TPPP: variants seen among roughly 807,000 people sequenced by gnomAD.
The protein encoded by TPPP is tubulin polymerization-promoting protein.
Under a neutral mutation model 15.5 loss-of-function variants are expected in TPPP, and 6 were observed. The observed-to-expected ratio is 0.39, with a 90% CI of 0.21 to 0.77. The LOEUF (loss-of-function observed/expected upper bound fraction) is 0.77. Among genes scored for constraint, TPPP ranks in the 30% least tolerant of loss-of-function variants. TPPP has a pLI of 0.42. For synonymous variants in TPPP, 146 were observed against 133.9 expected, an observed-to-expected ratio of 1.09 and a Z score of -0.63; for missense variants, 269 against 307.2, an observed-to-expected ratio of 0.88 and a Z score of 0.93.
At chr5:677,164 G>A (rs998261131) in intron 2 of TPPP, among the ~76,000 whole-genome samples, 4 of 152,246 alleles carry the variant, frequency 2.6e-5, no homozygotes, top group African/African-American at 7.2e-5. Flanking sequence ...CCATTTTGCC[G>A]CCCGTGGGAA....
At chr5:691,644 C>CA (rs1452109074) in intron 1 of TPPP, among the ~76,000 whole-genome samples, 1 of 26,372 alleles carries the variant, frequency 3.8e-5, no homozygotes, top group East Asian at 5.6e-4. Context: ...CAGCAGCCCC[C>CA]AACCCCCATC....
At chr5:695,734 A>G (rs1740999764), upstream of TPPP, among the ~76,000 whole-genome samples, 1 of 151,424 alleles carries the variant, frequency 6.6e-6, no homozygotes, top group Non-Finnish European at 1.5e-5. Context: ...GACACCTGTC[A>G]CTGGATTTAA....
At chr5:680,876 C>A (rs111653517) in intron 1 of TPPP, among the ~76,000 whole-genome samples, 1 of 152,346 alleles carries the variant, frequency 6.6e-6, no homozygotes, top group South Asian at 2.1e-4. Context: ...TTAGGCACGA[C>A]GTGCCGCTGT....
chr5:669,604 G>A (rs566481096), intron 2 of TPPP, among the ~76,000 whole-genome samples: 65 of 152,276 alleles, frequency 4.3e-4, no homozygotes, highest in Non-Finnish European at 7.6e-4. Flanking sequence ...GCTGAGGCAC[G>A]CAGCCCTTTC....
At chr5:698,443 G>C in the TPPP span, among the ~76,000 whole-genome samples, 2 of 152,026 alleles carry the variant, frequency 1.3e-5, no homozygotes, top group African/African-American at 4.8e-5. Context: ...TGCTGGTAAA[G>C]ACATGCCTGA....
rs1739525356 is a variant in TPPP at position 660,195 on chromosome 5, T to C, written c.*4907A>G. 1 of 136,776 alleles carries C rather than the reference T, an allele frequency of 7.3e-6. No homozygotes were observed. The highest frequency in any genetic ancestry group is 2.9e-5 in the African/African-American group (1 of 34,278). The allele number at this position is 136,776 out of a possible 1,614,324, so 8.5% of individuals were successfully genotyped here. ...TAATGTTAATCACACAGTGTAAAAA[T>C]ATATTGCACATATATATATATATAT... is the stretch of plus-strand genomic sequence containing the variant. On this transcript the variant is annotated 3_prime_UTR_variant, in exon 4 of 4. Coordinates refer to ENST00000360578, the MANE Select transcript of TPPP (RefSeq NM_007030.3).
the TPPP span, among the ~76,000 whole-genome samples, chr5:699,767 C>T: frequency 6.6e-6 from 1 of 150,924 alleles, no homozygotes; most frequent in East Asian, 1.9e-4. Flanking sequence ...CAAATAAGCC[C>T]ATTAAAAAGT....
intron 1 of TPPP, among the ~76,000 whole-genome samples, chr5:684,269 G>GC (rs554657644): frequency 6.6e-6 from 1 of 152,228 alleles, no homozygotes; most frequent in Non-Finnish European, 1.5e-5. Flanking sequence ...GGGGGAAGCA[G>GC]CCCCCCAGTA....
intron 1 of TPPP, among the ~76,000 whole-genome samples, chr5:687,092 G>A (rs1579199258): frequency 7.8e-6 from 1 of 127,466 alleles, no homozygotes; most frequent in Non-Finnish European, 1.8e-5. Flanking sequence ...GGCCGGGGCT[G>A]CAGTGACGCA....
At chr5:668,512 G>A (rs1321874115) in intron 2 of TPPP, among the ~76,000 whole-genome samples, 4 of 152,072 alleles carry the variant, frequency 2.6e-5, no homozygotes, top group South Asian at 2.1e-4. Context: ...AAACCACAGC[G>A]AGGCCCCTGC....
intron 2 of TPPP, among the ~76,000 whole-genome samples, chr5:677,430 G>A (rs1016943051): frequency 2.0e-5 from 3 of 152,164 alleles, no homozygotes; most frequent in Non-Finnish European, 1.5e-5. Context: ...CATTCACCCC[G>A]AGTCTGCTCT....
chr5:682,878 A>G (rs1455593145), intron 1 of TPPP, among the ~76,000 whole-genome samples: 1 of 152,192 alleles, frequency 6.6e-6, no homozygotes, highest in African/African-American at 2.4e-5. Context: ...GTGCTGGGTC[A>G]AAGCTGGAGG....
At chr5:697,630 CA>C (rs1561098624), upstream of TPPP, among the ~76,000 whole-genome samples, 1 of 152,060 alleles carries the variant, frequency 6.6e-6, no homozygotes, top group Non-Finnish European at 1.5e-5. Context: ...AAGCAGACCA[CA>C]AGGAGCCTGG....
intron 1 of TPPP, among the ~76,000 whole-genome samples, chr5:682,290 G>A (rs1013055012): frequency 6.9e-6 from 1 of 144,284 alleles, no homozygotes; most frequent in Non-Finnish European, 1.5e-5. Context: ...GGGCCAGGGG[G>A]TTCTCACTAG....
At chr5:681,627 A>G (rs991921543) in intron 1 of TPPP, among the ~76,000 whole-genome samples, 1 of 152,152 alleles carries the variant, frequency 6.6e-6, no homozygotes, top group Non-Finnish European at 1.5e-5. Flanking sequence ...TGGGACCACA[A>G]GTGGGGCCTG....
chr5:675,633 G>A (rs1740406509), intron 2 of TPPP, among the ~76,000 whole-genome samples: 1 of 151,872 alleles, frequency 6.6e-6, no homozygotes, highest in African/African-American at 2.4e-5. Flanking sequence ...AGTGCCAGAG[G>A]TGCAGGCTGT....
intron 1 of TPPP, among the ~76,000 whole-genome samples, chr5:683,653 A>G (rs1740687386): frequency 6.6e-6 from 1 of 152,152 alleles, no homozygotes; most frequent in Non-Finnish European, 1.5e-5. Context: ...CCTTCCTTCC[A>G]TGCCCTCAGG....
rs3845279 is a variant in TPPP at position 679,649 on chromosome 5, T to C, written c.-4-1585A>G. ...GTTTTGTGAGCACCCAGAACAGTGGTGGGTGTGCGGGTCAGAGAGAAAGAA... is the reference window on the plus strand; with the variant it reads ...GTTTTGTGAGCACCCAGAACAGTGGCGGGTGTGCGGGTCAGAGAGAAAGAA... On this transcript the variant is annotated intron_variant, in intron 1 of 3. Coordinates refer to ENST00000360578, the MANE Select transcript of TPPP (RefSeq NM_007030.3). 4.9e-3 allele frequency among the ~76,000 whole-genome samples: 709 copies of C among 144,488 alleles called. 4 individuals are homozygous for C. The highest frequency in any genetic ancestry group is 9.5e-3 in the African/African-American group (369 of 38,956). 94.8% of individuals were successfully genotyped at this position (144,488 alleles called of 152,430 possible). A position where few individuals can be genotyped will look rare whatever the true frequency, so the allele number is the denominator to read the frequency against.
intron 2 of TPPP, 130 bp downstream of exon 2, chr5:677,620 G>A: frequency 1.2e-6 from 1 of 819,690 alleles, no homozygotes; most frequent in Non-Finnish European, 1.8e-6. Flanking sequence ...CTGCTTCTGA[G>A]AAGGGCGGGG....
Sources: gnomAD v4.1 joint callset for allele counts (sites outside exome capture counted in the v4.1 genomes callset) on GRCh38, gnomAD v4.1.1 for gene constraint, MANE v1.5 for transcripts, NCBI Gene and HGNC (gene_info 2026-07-23, HGNC 2026-07-21) for gene names.